SH3BP1: variants seen among roughly 807,000 people sequenced by gnomAD.
SH3BP1 encodes the protein SH3 domain binding protein 1.
Under a neutral mutation model 69.8 loss-of-function variants are expected in SH3BP1, and 46 were observed. The ratio of observed to expected loss-of-function variants is 0.66; its 90% CI spans 0.52 to 0.84. The LOEUF is 0.84. Among genes scored for constraint, SH3BP1 ranks in the 40% least tolerant of loss-of-function variants. The pLI, the probability that SH3BP1 is intolerant of heterozygous loss-of-function variation, is 0.00. For synonymous variants in SH3BP1, 403 were observed against 378.0 expected (o/e 1.07, Z -0.77); for missense variants, 868 against 930.9 (o/e 0.93, Z 0.88).
At chr22:37,644,792 G>T in intron 8 of SH3BP1, 78 bp from the exon 9 acceptor site, 1 of 1,603,292 alleles carries the variant, frequency 6.2e-7, no homozygotes, top group Middle Eastern at 1.7e-4. Flanking sequence ...GATGGTGGAG[G>T]GGGCGTCTGC....
chr22:37,641,823 A>G (rs912865170), intron 3 of SH3BP1: 4 of 269,330 alleles, frequency 1.5e-5, no homozygotes, highest in African/African-American at 6.7e-5. Flanking sequence ...TGAGGGATAC[A>G]CGTTTATTAA....
chr22:37,642,886 T>C lies in SH3BP1; in HGVS notation c.285-9T>C. 1.2e-6 allele frequency: 2 copies of C among 1,610,988 alleles called. No homozygotes were observed. Among genetic ancestry groups the C allele is most frequent in the Non-Finnish European group, 1.7e-6 (2 of 1,178,840 alleles). ...GGGCGCCTGGACCCATGGGGTGCCG[T>C]GTCCACAGGAAGGCCTTGGAGATGA... is the stretch of plus-strand genomic sequence containing the variant. On this transcript the variant is annotated splice_polypyrimidine_tract_variant and intron_variant, in intron 4 of 17. Transcript: ENST00000649765.
At chr22:37,640,097 G>A (rs1932529110) in intron 1 of SH3BP1, among the ~76,000 whole-genome samples, 1 of 152,186 alleles carries the variant, frequency 6.6e-6, no homozygotes, top group African/African-American at 2.4e-5. Context: ...CTTCAGGCGG[G>A]AGAATGCTCT....
Position 37,655,520 on chromosome 22 carries a change from G to T in SH3BP1, c.1942G>T (p.Gly648Cys). 6.8e-7 allele frequency: 1 copy of T among 1,471,660 alleles called. No homozygotes were observed. The highest frequency in any genetic ancestry group is 9.1e-7 in the Non-Finnish European group (1 of 1,100,956). The allele number at this position is 1,471,660 out of a possible 1,614,324, so 91.2% of individuals were successfully genotyped here. A position where few individuals can be genotyped will look rare whatever the true frequency, so the allele number is the denominator to read the frequency against. Residue 648 changes from glycine (G) to cysteine (C), a missense_variant, in exon 18 of 18, where the codon GGT becomes TGT. Physicochemically the swap from Gly to Cys is radical, Grantham distance 159 (BLOSUM62 -3). Around this residue, in one of 3 missense-constraint regions of SH3BP1, gnomAD observed 474 missense variants for 462.3 expected, o/e 1.03. Transcript: ENST00000649765. ...SPASPSPASP[G>C]PASPSPVSLS... ...AGCCTCCCCCAGCCCGGCCTCCCCAGGTCCAGCCTCCCCCAGCCCAGTCTC... is the reference window on the plus strand; with the variant it reads ...AGCCTCCCCCAGCCCGGCCTCCCCATGTCCAGCCTCCCCCAGCCCAGTCTC...
At position 37,644,986 on chromosome 22, in the gene SH3BP1, A is replaced by G. The variant is rs1331716797; in HGVS notation, c.778+26A>G. ...GTGGGGACATAGGCCCGGCGATACC[A>G]CACCCCTGACCCTGCCCTGCTCGGG... On this transcript the variant is annotated intron_variant, in intron 9 of 17. Coordinates refer to ENST00000649765, the MANE Select transcript of SH3BP1 (RefSeq NM_018957.6). 7 of 1,597,444 alleles carry G rather than the reference A, an allele frequency of 4.4e-6. No individual in the cohort carries two copies. In the South Asian group the frequency reaches 6.6e-5, roughly 15 times the overall value.
chr22:37,645,003 C>G, intron 9 of SH3BP1, 43 bp downstream of exon 9: 1 of 1,546,352 alleles, frequency 6.5e-7, no homozygotes, highest in Non-Finnish European at 8.9e-7. Flanking sequence ...TGACCCTGCC[C>G]TGCTCGGGGC....
intron 14 of SH3BP1, 119 bp downstream of exon 14, chr22:37,648,554 C>T: frequency 2.8e-6 from 2 of 710,694 alleles, no homozygotes; most frequent in East Asian, 2.7e-5. Context: ...TTGAGCAGCT[C>T]CTGTTTTTGA....
chr22:37,640,308 C>G, intron 1 of SH3BP1: 1 of 154,858 alleles, frequency 6.5e-6, no homozygotes, highest in East Asian at 1.9e-4. Flanking sequence ...AGGGGCCTGC[C>G]CCTGGCCTGC....
Position 37,653,878 on chromosome 22 carries a change from GT to G in SH3BP1, c.1693+7del. Reference sequence around the variant, plus strand: ...TGGAGGACATGGCTCGGAGGAGTGAGTTGGCTGTGGGAGGGGAGGAGGGGAC... The same window carrying G: ...TGGAGGACATGGCTCGGAGGAGTGAGTGGCTGTGGGAGGGGAGGAGGGGAC... On this transcript the variant is annotated splice_donor_region_variant and intron_variant, in intron 17 of 17. Coordinates refer to ENST00000649765, the MANE Select transcript of SH3BP1 (RefSeq NM_018957.6). 2 of 1,366,936 alleles carry G rather than the reference GT, an allele frequency of 1.5e-6. No homozygotes were observed. Among genetic ancestry groups the G allele is most frequent in the Non-Finnish European group, 2.0e-6 (2 of 985,046 alleles). The allele number at this position is 1,366,936 out of a possible 1,614,324, so 84.7% of individuals were successfully genotyped here.
At position 37,646,858 on chromosome 22, in the gene SH3BP1, G is replaced by T. The variant is rs369441025; in HGVS notation, c.965G>T (p.Arg322Leu). 1 of 1,564,082 alleles carries T rather than the reference G, an allele frequency of 6.4e-7. No individual in the cohort carries two copies. The highest frequency in any genetic ancestry group is 8.6e-7 in the Non-Finnish European group (1 of 1,157,360). ...RLAAGASVLK[R>L]LKQTMASDPH... is the part of the protein sequence containing the mutation. ...GCTGCTGGGGCCTCGGTGCTGAAGC[G>T]TCTCAAGCAGACAATGGCCTCGGAC... The change falls in exon 11 of 18, where the codon CGT (arginine) becomes CTT (leucine). Residue 322 changes from arginine to leucine, a missense_variant. By Grantham distance (102) the Arg-to-Leu change is moderately radical. This residue lies in a region of SH3BP1 where 387 missense variants were observed against 447.9 expected (regional missense o/e 0.86). Transcript: ENST00000649765.
chr22:37,641,473 C>A lies in SH3BP1; in HGVS notation c.202C>A (p.Arg68=), dbSNP rs1308020239. The change falls in exon 3 of 18, where the codon CGG becomes AGG. Residue 68 remains arginine, a synonymous_variant. Transcript: ENST00000649765. ...CCAGAGCGGGGCAGACATGGACAAG[C>A]GGGTGGTGAGTGGGGGGTCCCGGGA... ...QGQSGADMDK[R]VKKLPLMALS... is the part of the protein sequence containing the mutation. 10 of 1,549,692 alleles carry A rather than the reference C, an allele frequency of 6.5e-6. No homozygotes were observed. The highest frequency in any genetic ancestry group is 8.7e-6 in the Non-Finnish European group (10 of 1,146,492).
intron 16 of SH3BP1, 115 bp downstream of exon 16, chr22:37,650,840 C>T: frequency 7.4e-7 from 1 of 1,343,674 alleles, no homozygotes; most frequent in Non-Finnish European, 1.0e-6. Context: ...TTAGTGTTTT[C>T]ATCCCAAAGA....
At chr22:37,643,872 C>A (rs1932709666) in intron 7 of SH3BP1, 84 bp downstream of exon 7, 3 of 1,548,428 alleles carry the variant, frequency 1.9e-6, no homozygotes, top group Non-Finnish European at 1.8e-6. Flanking sequence ...AGCTGAAGTT[C>A]AGAGAGGTGA....
chr22:37,641,695 C>G, intron 3 of SH3BP1: 1 of 538,462 alleles, frequency 1.9e-6, no homozygotes. Context: ...TTCCCATAAG[C>G]CAAGGCCAGG....
chr22:37,643,319 G>T, intron 6 of SH3BP1, 145 bp downstream of exon 6: 1 of 749,528 alleles, frequency 1.3e-6, no homozygotes, highest in Non-Finnish European at 2.2e-6. Context: ...TGGTCCCTAG[G>T]AGCACAGGTG....
rs752394194 is a variant in SH3BP1 at position 37,643,032 on chromosome 22, C to A, written c.396+26C>A. 5 of 1,608,794 alleles carry A rather than the reference C, an allele frequency of 3.1e-6. No individual in the cohort carries two copies. The South Asian group carries it at 5.5e-5, about 18-fold the overall frequency. The stretch of plus-strand genomic sequence containing the variant: ...GTGAGCCTGTGCCCTGCTTTCAGCC[C>A]CCAGCTTCCCCAGCTTCTGGCTCCC... On this transcript the variant is annotated intron_variant, in intron 5 of 17. Coordinates refer to ENST00000649765, the MANE Select transcript of SH3BP1 (RefSeq NM_018957.6).
intron 6 of SH3BP1, 34 bp from the exon 7 acceptor site, chr22:37,643,610 G>A (rs1322062713): frequency 6.2e-7 from 1 of 1,613,774 alleles, no homozygotes; most frequent in Admixed American, 1.7e-5. Context: ...ATGCAACAGG[G>A]CAGGTGACCA....
At chr22:37,645,184 C>T in intron 9 of SH3BP1, 181 bp from the exon 10 acceptor site, 1 of 890,670 alleles carries the variant, frequency 1.1e-6, no homozygotes, top group Non-Finnish European at 1.7e-6. Flanking sequence ...CAACGGTGGC[C>T]TGGACTAGGA....
chr22:37,645,009 G>A (rs375792201), intron 9 of SH3BP1, 49 bp downstream of exon 9: 16 of 1,522,206 alleles, frequency 1.1e-5, no homozygotes, highest in South Asian at 2.3e-5. Context: ...TGCCCTGCTC[G>A]GGGCTTATTG....
Sources: gnomAD v4.1 joint callset for allele counts (sites outside exome capture counted in the v4.1 genomes callset) on GRCh38, gnomAD v4.1.1 for gene constraint, gnomAD v4.1.1 regional missense constraint, MANE v1.5 for transcripts, NCBI Gene and HGNC (gene_info 2026-07-23, HGNC 2026-07-21) for gene names.